Variants in SLC36A1 observed in about 807,000 individuals in gnomAD.
The protein encoded by SLC36A1 is solute carrier family 36 member 1, also known as proton-coupled amino acid transporter 1.
Under a neutral mutation model 47.5 loss-of-function variants are expected in SLC36A1, and 30 were observed. The ratio of observed to expected loss-of-function variants is 0.63; its 90% CI spans 0.47 to 0.86. The LOEUF is 0.86. Among genes scored for constraint, SLC36A1 ranks in the 40% least tolerant of loss-of-function variants. The pLI, the probability that SLC36A1 is intolerant of heterozygous loss-of-function variation, is 0.00. For missense variants in SLC36A1, 517 were observed against 606.0 expected, an observed-to-expected ratio of 0.85 and a Z score of 1.54; for synonymous variants, 255 against 249.7, an observed-to-expected ratio of 1.02 and a Z score of -0.20.
the SLC36A1 span, among the ~76,000 whole-genome samples, chr5:151,392,301 A>G: frequency 6.6e-6 from 1 of 151,698 alleles, no homozygotes; most frequent in Non-Finnish European, 1.5e-5. Flanking sequence ...TTTCATCTTT[A>G]TTAGTCTTGC....
downstream of SLC36A1, among the ~76,000 whole-genome samples, chr5:151,494,175 G>A (rs1367901072): frequency 1.3e-5 from 2 of 152,060 alleles, no homozygotes; most frequent in Admixed American, 6.6e-5. Context: ...CTAAGCCTGG[G>A]GCTCTTTGCT....
intron 9 of SLC36A1, chr5:151,477,641 A>G (rs1299952472): frequency 2.0e-5 from 3 of 152,314 alleles, no homozygotes; most frequent in East Asian, 1.9e-4. Context: ...AGGCATACCA[A>G]TTATATATAT....
the SLC36A1 span, chr5:151,537,681 G>A: frequency 3.8e-6 from 4 of 1,058,222 alleles, no homozygotes; most frequent in East Asian, 4.8e-5. Context: ...ATATATGTTT[G>A]CTGATAGATG....
the SLC36A1 span, among the ~76,000 whole-genome samples, chr5:151,536,147 G>A: frequency 6.6e-6 from 1 of 151,960 alleles, no homozygotes; most frequent in African/African-American, 2.4e-5. Flanking sequence ...TCATGCAGAT[G>A]TTCCAGTTTC....
chr5:151,542,178 A>G, the SLC36A1 span: 3 of 1,081,084 alleles, frequency 2.8e-6, no homozygotes, highest in South Asian at 4.7e-5. Context: ...CCAAGGTCAC[A>G]CTGCTAATAA....
Position 151,479,390 on chromosome 5 carries a change from C to T in SLC36A1, c.1060C>T (p.Pro354Ser), listed in dbSNP as rs1463450267. ...FFTYALQFYV[P>S]AEIIIPFFVS... Reference sequence around the variant, plus strand: ...CACCTACGCACTCCAGTTCTACGTCCCGGCTGAGATCATCATCCCCTTCTT... The same window carrying T: ...CACCTACGCACTCCAGTTCTACGTCTCGGCTGAGATCATCATCCCCTTCTT... Residue 354 changes from proline (P) to serine (S), a missense_variant, in exon 10 of 11, where the codon CCG (proline) becomes TCG (serine). Pro to Ser is a moderately conservative substitution (Grantham distance 74). Transcript: ENST00000243389. The T allele has an allele frequency of 5.6e-6, 9 of 1,614,224 alleles. No homozygotes were observed. Among genetic ancestry groups the T allele is most frequent in the Non-Finnish European group, 7.6e-6 (9 of 1,180,036 alleles).
intron 10 of SLC36A1, among the ~76,000 whole-genome samples, chr5:151,484,504 G>C (rs1759256162): frequency 6.6e-6 from 1 of 152,158 alleles, no homozygotes; most frequent in Admixed American, 6.5e-5. Flanking sequence ...ACATATCCCA[G>C]AACACAGTCC....
the SLC36A1 span, among the ~76,000 whole-genome samples, chr5:151,506,642 T>C: frequency 6.6e-6 from 1 of 152,202 alleles, no homozygotes; most frequent in African/African-American, 2.4e-5. Flanking sequence ...ATTTGACACA[T>C]AGTGAAAATA....
chr5:151,458,356 T>TATATATATATATATATATATATACACAC (rs796511045), intron 1 of SLC36A1, among the ~76,000 whole-genome samples: 1 of 129,740 alleles, frequency 7.7e-6, no homozygotes, highest in African/African-American at 3.5e-5. Context: ...TATATATATA[T>TATATATATATATATATATATATACACAC]ACACACACGA....
intron 1 of SLC36A1, among the ~76,000 whole-genome samples, chr5:151,437,984 C>G (rs1410739512): frequency 6.6e-6 from 1 of 152,100 alleles, no homozygotes; most frequent in East Asian, 1.9e-4. Context: ...AACTTCTCTC[C>G]TCTCTGACCC....
downstream of SLC36A1, among the ~76,000 whole-genome samples, chr5:151,497,291 A>G (rs1305914305): frequency 1.2e-4 from 18 of 152,196 alleles, no homozygotes; most frequent in Non-Finnish European, 2.4e-4. Context: ...GAGATATTTA[A>G]AAATCATGAA....
At chr5:151,437,905 C>T (rs1353077654) in intron 1 of SLC36A1, among the ~76,000 whole-genome samples, 1 of 152,102 alleles carries the variant, frequency 6.6e-6, no homozygotes, top group Non-Finnish European at 1.5e-5. Flanking sequence ...CTTTTTCCAG[C>T]TTCTAGAGGC....
At chr5:151,347,788 C>T in the SLC36A1 span, among the ~76,000 whole-genome samples, 1 of 152,166 alleles carries the variant, frequency 6.6e-6, no homozygotes, top group East Asian at 1.9e-4. Context: ...CTATTAAGCC[C>T]TGTACTAAGG....
chr5:151,502,039 C>T, the SLC36A1 span, among the ~76,000 whole-genome samples: 11 of 148,256 alleles, frequency 7.4e-5, 1 homozygote, highest in Non-Finnish European at 1.2e-4. Context: ...AGGGCAGGTG[C>T]GGTGGCTCAT....
chr5:151,549,501 C>T, the SLC36A1 span: 21 of 1,614,064 alleles, frequency 1.3e-5, no homozygotes, highest in Middle Eastern at 1.7e-4. Flanking sequence ...TTCCTGGTCT[C>T]GGACCTATGG....
chr5:151,530,432 A>T, the SLC36A1 span, among the ~76,000 whole-genome samples: 1 of 152,194 alleles, frequency 6.6e-6, no homozygotes, highest in Admixed American at 6.5e-5. Flanking sequence ...TGACACTATA[A>T]AGAGCCAACC....
At position 151,478,229 on chromosome 5, in the gene SLC36A1, C is replaced by T. The variant is rs181972743; in HGVS notation, c.990-1091C>T. On this transcript the variant is annotated intron_variant, in intron 9 of 10. Transcript: ENST00000243389. ...GTATTAGCACATTTAAATAGATTTC[C>T]GACAAGGGAGGACAAATGTTTCTTG... Among the ~76,000 whole-genome samples, 23 of 152,168 alleles carry T rather than the reference C, an allele frequency of 1.5e-4. No homozygotes were observed. The East Asian group carries it at 3.1e-3, about 20-fold the overall frequency.
chr5:151,545,272 G>A, the SLC36A1 span: 52 of 1,613,956 alleles, frequency 3.2e-5, no homozygotes, highest in African/African-American at 2.1e-4. Flanking sequence ...TTTTACCAGC[G>A]CAGTGTCTTG....
At chr5:151,466,183 C>G (rs1474317003) in intron 5 of SLC36A1, among the ~76,000 whole-genome samples, 1 of 152,132 alleles carries the variant, frequency 6.6e-6, no homozygotes, top group East Asian at 1.9e-4. Flanking sequence ...TTCTTCCGCC[C>G]TCCTTCCCTC....
Sources: allele counts gnomAD v4.1 joint callset (sites outside exome capture counted in the v4.1 genomes callset), GRCh38; gene constraint gnomAD v4.1.1; transcripts MANE v1.5; gene names NCBI Gene and HGNC (gene_info 2026-07-23, HGNC 2026-07-21).